RBM20: variants seen among roughly 807,000 people sequenced by gnomAD.
RBM20 encodes the protein RNA binding motif protein 20, also known as RNA-binding protein 20.
In RBM20, 51 loss-of-function variants were observed where a neutral mutation model predicts 110.1. That is an observed-to-expected ratio of 0.46 (90% CI 0.37 to 0.59). RBM20 has a LOEUF of 0.59. Ranked by LOEUF, RBM20 falls within the 20% of genes least tolerant of loss-of-function variation. The pLI, the probability that RBM20 is intolerant of heterozygous loss-of-function variation, is 0.00. For missense variants in RBM20, 1,512 were observed against 1,574.9 expected (o/e 0.96, Z 0.68); for synonymous variants, 589 against 618.2 (o/e 0.95, Z 0.70).
intron 5 of RBM20, among the ~76,000 whole-genome samples, chr10:110,792,835 C>T (rs1844501545): frequency 6.6e-6 from 1 of 152,198 alleles, no homozygotes; most frequent in Non-Finnish European, 1.5e-5. Flanking sequence ...CCAACACAGA[C>T]AAACATGTCT....
intron 1 of RBM20, among the ~76,000 whole-genome samples, chr10:110,691,718 T>C (rs1170216935): frequency 6.6e-6 from 1 of 152,238 alleles, no homozygotes; most frequent in Non-Finnish European, 1.5e-5. Context: ...TTCCACTCTG[T>C]GTGTTGTCTT....
In RBM20 at chr10:110,836,936, G is replaced by A. The variant is rs1387498477; in HGVS notation, c.*958G>A. On this transcript the variant is annotated 3_prime_UTR_variant, in exon 14 of 14. Coordinates refer to ENST00000369519, the MANE Select transcript of RBM20 (RefSeq NM_001134363.3). ...CTTTGGCTCGAGAGGCACAGCTCCA[G>A]GCTGTGGAAAACAGAGTTGTCTTGG... 1 of 152,244 alleles carries A rather than the reference G, an allele frequency of 6.6e-6. No individual in the cohort carries two copies. Among genetic ancestry groups the A allele is most frequent in the African/African-American group, 2.4e-5 (1 of 41,456 alleles). The allele number at this position is 152,244 out of a possible 1,614,324, so 9.4% of individuals were successfully genotyped here.
intron 1 of RBM20, among the ~76,000 whole-genome samples, chr10:110,670,808 C>G (rs1045740254): frequency 1.3e-5 from 2 of 152,132 alleles, no homozygotes; most frequent in Non-Finnish European, 2.9e-5. Context: ...AAGGGAAATT[C>G]TTGAAAGAAA....
At chr10:110,657,982 C>T (rs1010924293) in intron 1 of RBM20, among the ~76,000 whole-genome samples, 2 of 152,186 alleles carry the variant, frequency 1.3e-5, no homozygotes, top group Admixed American at 1.3e-4. Context: ...AAAGAATATA[C>T]ACTTTTTCAT....
chr10:110,687,279 C>T (rs772180816), intron 1 of RBM20, among the ~76,000 whole-genome samples: 11 of 151,274 alleles, frequency 7.3e-5, no homozygotes, highest in Non-Finnish European at 1.3e-4. Context: ...AATGTCATAG[C>T]TAACTAGAGG....
At chr10:110,792,888 C>T (rs772211503) in intron 5 of RBM20, among the ~76,000 whole-genome samples, 26 of 152,122 alleles carry the variant, frequency 1.7e-4, no homozygotes, top group Non-Finnish European at 3.1e-4. Context: ...GTTAAACAGC[C>T]AATTACACAG....
intron 5 of RBM20, 116 bp downstream of exon 5, chr10:110,785,005 C>A: frequency 1.5e-6 from 1 of 662,304 alleles, no homozygotes; most frequent in Non-Finnish European, 2.6e-6. Context: ...TATCTCACTG[C>A]AGCCTTGAAC....
intron 1 of RBM20, among the ~76,000 whole-genome samples, chr10:110,773,122 G>C (rs572607073): frequency 6.6e-6 from 1 of 152,364 alleles, no homozygotes; most frequent in Admixed American, 6.5e-5. Flanking sequence ...TCAGTCTTCA[G>C]TGTGTTAGAG....
Position 110,816,904 on chromosome 10 carries a change from T to C in RBM20, c.2551-3168T>C, listed in dbSNP as rs142909998. Among the ~76,000 whole-genome samples, 13 of 152,370 alleles carry C rather than the reference T, an allele frequency of 8.5e-5. 1 individual carries two copies. The highest frequency in any genetic ancestry group is 3.1e-4 in the African/African-American group (13 of 41,588). On this transcript the variant is annotated intron_variant, in intron 9 of 13. Coordinates refer to ENST00000369519, the MANE Select transcript of RBM20 (RefSeq NM_001134363.3). The stretch of plus-strand genomic sequence containing the variant: ...TAGTACTGTAAAGAGGTCATGCTCA[T>C]TAAAATATCCTGAGCTCTCTGGAGA...
chr10:110,672,728 C>T (rs1158774912), intron 1 of RBM20, among the ~76,000 whole-genome samples: 1 of 152,052 alleles, frequency 6.6e-6, no homozygotes, highest in Non-Finnish European at 1.5e-5. Flanking sequence ...GCCAGTGCCC[C>T]CAGAGTGCTA....
chr10:110,644,606 C>T lies in RBM20; in HGVS notation c.152C>T (p.Pro51Leu). ...CAGCCGCCGCCGCCGCCCCAGCCAC[C>T]GCCCCCGCCCCAAGCCGGCCTACCC... The part of the protein sequence containing the change: ...MQQPPPPPQP[P>L]PPPQAGLPQI... The change falls in exon 1 of 14, where the codon CCG becomes CTG. Residue 51 changes from proline to leucine, a missense_variant. Pro to Leu is a moderately conservative substitution (Grantham distance 98). Around this residue, in one of 3 missense-constraint regions of RBM20, gnomAD observed 1,149 missense variants for 1,169.4 expected, o/e 0.98. Transcript: ENST00000369519. This position sits in a 1 kb window ranked among gnomAD's most constrained non-coding sequence, Gnocchi z 4.3. 1.3e-6 allele frequency: 2 copies of T among 1,519,630 alleles called. No homozygotes were observed. The highest frequency in any genetic ancestry group is 1.8e-6 in the Non-Finnish European group (2 of 1,137,374). 94.1% of individuals were successfully genotyped at this position (1,519,630 alleles called of 1,614,324 possible).
At chr10:110,831,017 C>A in intron 12 of RBM20, 44 bp from the exon 13 acceptor site, 1 of 1,516,880 alleles carries the variant, frequency 6.6e-7, no homozygotes. Flanking sequence ...GCCTGCCTCC[C>A]ATGCCATCCT....
rs1435880289 is a variant in RBM20, at chr10:110,644,947, C to G, written c.191+302C>G. ...CTCAGATTGGGGGGAAATGGCCCAGCGACTGTATTTCATCTTTCTGGTCCC... is the reference window on the plus strand; with the variant it reads ...CTCAGATTGGGGGGAAATGGCCCAGGGACTGTATTTCATCTTTCTGGTCCC... On this transcript the variant is annotated intron_variant, in intron 1 of 13. Transcript: ENST00000369519. The surrounding 1 kb of genome is among the most constrained non-coding windows in gnomAD (Gnocchi z 4.3). 6.6e-6 allele frequency among the ~76,000 whole-genome samples: 1 copy of G among 152,072 alleles called. No individual in the cohort carries two copies. Among genetic ancestry groups the G allele is most frequent in the Admixed American group, 6.5e-5 (1 of 15,278 alleles).
intron 1 of RBM20, among the ~76,000 whole-genome samples, chr10:110,727,850 G>A (rs1347914910): frequency 6.6e-6 from 1 of 152,074 alleles, no homozygotes; most frequent in Non-Finnish European, 1.5e-5. Flanking sequence ...CCCTCCCTGT[G>A]TTCATGTGTT....
upstream of RBM20, among the ~76,000 whole-genome samples, chr10:110,643,649 AAAAG>A (rs1187834038): frequency 2.6e-5 from 4 of 152,242 alleles, no homozygotes; most frequent in Non-Finnish European, 5.9e-5. Context: ...AGTGAAGAGA[AAAAG>A]AAACCAGAAA....
chr10:110,744,870 C>T (rs373124623), intron 1 of RBM20, among the ~76,000 whole-genome samples: 2 of 152,318 alleles, frequency 1.3e-5, no homozygotes, highest in African/African-American at 2.4e-5. Flanking sequence ...TGAAACATAG[C>T]GGCCACCATG....
At position 110,781,438 on chromosome 10, in the gene RBM20, G is replaced by C; in HGVS notation, c.829G>C (p.Ala277Pro). ...CCACACAGGGCAGGATGGTCAAGCT[G>C]CCTTTTCCAAAGATTTTTACGGACC... ...YSHTGQDGQA[A>P]FSKDFYGPNS... Residue 277 changes from alanine (A) to proline (P), a missense_variant, in exon 2 of 14, where the codon GCC becomes CCC. Physicochemically the swap from Ala to Pro is conservative, Grantham distance 27. Transcript: ENST00000369519. 3 of 1,551,582 alleles carry C rather than the reference G, an allele frequency of 1.9e-6. No individual in the cohort carries two copies. The highest frequency in any genetic ancestry group is 1.7e-6 in the Non-Finnish European group (2 of 1,147,006).
intron 9 of RBM20, among the ~76,000 whole-genome samples, chr10:110,816,791 G>C (rs1429935130): frequency 6.6e-6 from 1 of 152,182 alleles, no homozygotes; most frequent in Non-Finnish European, 1.5e-5. Context: ...TGGAAGCAAA[G>C]GCCTGGCTTC....
At chr10:110,673,444 T>A (rs1338832163) in intron 1 of RBM20, among the ~76,000 whole-genome samples, 1 of 152,200 alleles carries the variant, frequency 6.6e-6, no homozygotes, top group Admixed American at 6.5e-5. Context: ...ACTCCTGACC[T>A]CGTGATCCAC....
Sources: gnomAD v4.1 joint callset for allele counts (sites outside exome capture counted in the v4.1 genomes callset) on GRCh38, gnomAD v4.1.1 for gene constraint, gnomAD v4.1.1 regional missense constraint, Gnocchi (gnomAD v3.1) non-coding constraint, MANE v1.5 for transcripts, NCBI Gene and HGNC (gene_info 2026-07-23, HGNC 2026-07-21) for gene names.